The following OXCT1 variants were observed in gnomAD, a reference collection of about 807,000 sequenced individuals.
The protein encoded by OXCT1 is succinyl-CoA:3-ketoacid coenzyme A transferase 1, mitochondrial.
A neutral mutation model predicts 69.6 loss-of-function variants in OXCT1; 27 were observed. The observed-to-expected ratio is 0.39, with a 90% CI of 0.29 to 0.54. OXCT1 has a LOEUF of 0.54. Ranked by LOEUF, OXCT1 falls within the 20% of genes least tolerant of loss-of-function variation. The probability of loss-of-function intolerance (pLI) is 0.72; values close to 1 mark genes in which losing one functional copy is unlikely to be tolerated. For missense variants in OXCT1, 437 were observed against 650.2 expected (o/e 0.67, Z 3.57); for synonymous variants, 202 against 217.8 (o/e 0.93, Z 0.64).
intron 13 of OXCT1, among the ~76,000 whole-genome samples, chr5:41,774,993 A>G (rs1397122507): frequency 6.6e-6 from 1 of 152,198 alleles, no homozygotes; most frequent in Non-Finnish European, 1.5e-5. Flanking sequence ...ATATTGATAT[A>G]AACATATGAT....
intron 13 of OXCT1, among the ~76,000 whole-genome samples, chr5:41,780,349 A>G (rs972088192): frequency 6.6e-6 from 1 of 152,228 alleles, no homozygotes. Context: ...CTGTGATTAA[A>G]CAGATGGAAA....
intron 15 of OXCT1, among the ~76,000 whole-genome samples, chr5:41,743,936 T>C (rs1244067279): frequency 6.6e-6 from 1 of 152,104 alleles, no homozygotes; most frequent in African/African-American, 2.4e-5. Context: ...TTTGTTCTTT[T>C]AGCTTAGTAT....
chr5:41,856,786 T>C lies in OXCT1; in HGVS notation c.279-3232A>G, dbSNP rs375459109. ...TAAGTAACATAAGCATTTTCAAGAG[T>C]GTACTTTTGAGCTAGAATGCCCGGC... On this transcript the variant is annotated intron_variant, in intron 3 of 16. Coordinates refer to ENST00000196371, the MANE Select transcript of OXCT1 (RefSeq NM_000436.4). Among the ~76,000 whole-genome samples the C allele has an allele frequency of 7.9e-5, 12 of 152,198 alleles. No individual in the cohort carries two copies. In the East Asian group the frequency reaches 1.7e-3, roughly 22 times the overall value.
intron 13 of OXCT1, among the ~76,000 whole-genome samples, chr5:41,792,412 G>T (rs774166071): frequency 9.2e-5 from 14 of 152,134 alleles, no homozygotes; most frequent in Non-Finnish European, 1.8e-4. Context: ...CTTTATAGAT[G>T]AGGGCATTTT....
intron 8 of OXCT1, 34 bp downstream of exon 8, chr5:41,807,297 C>G (rs776070320): frequency 9.1e-7 from 1 of 1,104,720 alleles, no homozygotes; most frequent in African/African-American, 1.5e-5. Context: ...GTAACTGGAT[C>G]CATGAATACT....
intron 5 of OXCT1, among the ~76,000 whole-genome samples, chr5:41,844,735 T>C (rs1466289539): frequency 1.3e-5 from 2 of 152,026 alleles, no homozygotes; most frequent in African/African-American, 4.8e-5. Context: ...GCTTCATTCA[T>C]CTTACACAGT....
chr5:41,746,772 C>T (rs777193218), intron 15 of OXCT1, among the ~76,000 whole-genome samples: 10 of 152,036 alleles, frequency 6.6e-5, no homozygotes, highest in Non-Finnish European at 1.2e-4. Context: ...CAAACTGAAC[C>T]TATTCATGTC....
rs372441193 is a variant in OXCT1 at position 41,849,358 on chromosome 5, T to C, written c.564+672A>G. The stretch of plus-strand genomic sequence containing the variant: ...CCATTTGGACAGGAAAATGGAAAGA[T>C]ACTAAAAAATACCGTAATGAAATAC... On this transcript the variant is annotated intron_variant, in intron 5 of 16. Coordinates refer to ENST00000196371, the MANE Select transcript of OXCT1 (RefSeq NM_000436.4). Among the ~76,000 whole-genome samples the C allele has an allele frequency of 2.2e-4, 33 of 152,312 alleles. No individual in the cohort carries two copies. The South Asian group carries it at 6.0e-3, about 28-fold the overall frequency.
chr5:41,767,690 ATATC>A (rs1408206860), intron 13 of OXCT1, among the ~76,000 whole-genome samples: 10 of 142,434 alleles, frequency 7.0e-5, no homozygotes, highest in African/African-American at 2.7e-4. Context: ...TGTCTACTAT[ATATC>A]TATCTAGTAT....
intron 13 of OXCT1, among the ~76,000 whole-genome samples, chr5:41,793,219 A>C (rs1746012034): frequency 6.6e-6 from 1 of 152,234 alleles, no homozygotes; most frequent in Admixed American, 6.5e-5. Flanking sequence ...ATTTGACAAG[A>C]TTCTTCTTAG....
chr5:41,753,630 G>A (rs1743919547), intron 14 of OXCT1, among the ~76,000 whole-genome samples: 1 of 152,066 alleles, frequency 6.6e-6, no homozygotes, highest in Non-Finnish European at 1.5e-5. Context: ...GGTGTCCCCA[G>A]TGTGTGGCCC....
At position 41,807,386 on chromosome 5, in the gene OXCT1, G is replaced by A. The variant is rs1164502963; in HGVS notation, c.785C>T (p.Pro262Leu). The part of the protein sequence containing the change: ...GAFAPEDIHI[P>L]QIYVHRLIKG... ...TATAAGGCGATGTACATAAATCTGA[G>A]GAATATGGATGTCTTCTGGAGCAAA... The change falls in exon 8 of 17, where the codon CCT becomes CTT. Residue 262 changes from proline to leucine, a missense_variant. Around this residue, in one of 4 missense-constraint regions of OXCT1, gnomAD observed 252 missense variants for 397.4 expected, o/e 0.63. Coordinates refer to ENST00000196371, the MANE Select transcript of OXCT1 (RefSeq NM_000436.4). 1 of 1,607,194 alleles carries A rather than the reference G, an allele frequency of 6.2e-7. No individual in the cohort carries two copies. The highest frequency in any genetic ancestry group is 8.5e-7 in the Non-Finnish European group (1 of 1,174,332).
At chr5:41,794,532 A>G (rs1746082899) in intron 12 of OXCT1, 145 bp downstream of exon 12, 2 of 739,590 alleles carry the variant, frequency 2.7e-6, no homozygotes, top group Admixed American at 2.3e-5. Flanking sequence ...GATGTGAATA[A>G]TTTCACACCC....
At chr5:41,820,739 C>T (rs1240112274) in intron 7 of OXCT1, among the ~76,000 whole-genome samples, 2 of 152,152 alleles carry the variant, frequency 1.3e-5, no homozygotes, top group East Asian at 1.9e-4. Context: ...CCCATTATGG[C>T]CCATCCTGAC....
At position 41,762,981 on chromosome 5, in the gene OXCT1, C is replaced by T. The variant is rs1380382720; in HGVS notation, c.1249-781G>A. Among the ~76,000 whole-genome samples the T allele has an allele frequency of 1.3e-5, 2 of 152,032 alleles. No individual in the cohort carries two copies. The highest frequency in any genetic ancestry group is 4.8e-5 in the African/African-American group (2 of 41,418). ...TCCAGAGATGATAAAATGATTCTTA[C>T]TCAAGTATATTGAGGAGAAATGTCT... On this transcript the variant is annotated intron_variant, in intron 13 of 16. Coordinates refer to ENST00000196371, the MANE Select transcript of OXCT1 (RefSeq NM_000436.4). This position sits in a 1 kb window ranked among gnomAD's most constrained non-coding sequence, Gnocchi z 4.0.
At chr5:41,770,167 TC>T (rs1466566095) in intron 13 of OXCT1, among the ~76,000 whole-genome samples, 1 of 152,206 alleles carries the variant, frequency 6.6e-6, no homozygotes, top group Non-Finnish European at 1.5e-5. Context: ...TAAACTGAAT[TC>T]CATCTTCAAG....
intron 13 of OXCT1, among the ~76,000 whole-genome samples, chr5:41,767,143 C>T (rs1027029606): frequency 6.6e-6 from 1 of 152,102 alleles, no homozygotes; most frequent in African/African-American, 2.4e-5. Flanking sequence ...AGGTTATAAA[C>T]ACCTTTCTCT....
chr5:41,825,196 G>A (rs559503268), intron 7 of OXCT1, among the ~76,000 whole-genome samples: 40 of 152,222 alleles, frequency 2.6e-4, no homozygotes, highest in African/African-American at 9.6e-4. Context: ...AACTTCAAAG[G>A]CTGAATAAGA....
At chr5:41,866,130 G>C (rs1749962934) in intron 1 of OXCT1, among the ~76,000 whole-genome samples, 1 of 150,256 alleles carries the variant, frequency 6.7e-6, no homozygotes. Flanking sequence ...AAGATACTCA[G>C]GGGTTGTTAG....
Sources: gnomAD v4.1 joint callset for allele counts (sites outside exome capture counted in the v4.1 genomes callset) on GRCh38, gnomAD v4.1.1 for gene constraint, gnomAD v4.1.1 regional missense constraint, Gnocchi (gnomAD v3.1) non-coding constraint, MANE v1.5 for transcripts, NCBI Gene and HGNC (gene_info 2026-07-23, HGNC 2026-07-21) for gene names.